Variants in CNR2 observed in about 807,000 individuals in gnomAD.
CNR2 encodes cannabinoid receptor 2 (macrophage).
For missense variants in CNR2, 379 were observed against 439.9 expected (o/e 0.86, Z 1.24); for synonymous variants, 172 against 182.2 (o/e 0.94, Z 0.45).
chr1:23,881,954 C>G (rs191239803), intron 1 of CNR2, among the ~76,000 whole-genome samples: 1 of 151,372 alleles, frequency 6.6e-6, no homozygotes, highest in East Asian at 2.0e-4. Flanking sequence ...TGGAGTCTCA[C>G]TGTTGTGCCC....
chr1:23,876,285 T>C (rs1032253116), intron 1 of CNR2, among the ~76,000 whole-genome samples: 1 of 151,460 alleles, frequency 6.6e-6, no homozygotes, highest in Non-Finnish European at 1.5e-5. Flanking sequence ...CGGCTCACTG[T>C]AACCTCTGCC....
chr1:23,896,881 G>GTTTT (rs5773060), intron 1 of CNR2, among the ~76,000 whole-genome samples: 7 of 141,818 alleles, frequency 4.9e-5, no homozygotes, highest in Non-Finnish European at 6.1e-5. Flanking sequence ...CACCAGGAGT[G>GTTTT]TTTTTTTTTT....
chr1:23,884,112 C>T (rs556676923), intron 1 of CNR2, among the ~76,000 whole-genome samples: 33 of 151,206 alleles, frequency 2.2e-4, no homozygotes, highest in African/African-American at 7.8e-4. Context: ...CAGAGTCTCA[C>T]TCTGTCGCCC....
chr1:23,900,506 T>TTG (rs1325325469), intron 1 of CNR2, among the ~76,000 whole-genome samples: 3 of 510 alleles, frequency 5.9e-3, no homozygotes, highest in African/African-American at 0.011. Flanking sequence ...CCTGATCTCT[T>TTG]TTTTTTTTTT....
At chr1:23,910,070 CCCTGAGTAGCTGGGA>C (rs1217136877) in intron 1 of CNR2, among the ~76,000 whole-genome samples, 1 of 151,832 alleles carries the variant, frequency 6.6e-6, no homozygotes, top group Non-Finnish European at 1.5e-5. Context: ...CACCTCAGCC[CCCTGAGTAGCTGGGA>C]CCACAGGCAT....
In CNR2 at chr1:23,875,260, A is replaced by G; in HGVS notation, c.358T>C (p.Ser120Pro). 6.2e-7 allele frequency: 1 copy of G among 1,614,210 alleles called. No homozygotes were observed. Among genetic ancestry groups the G allele is most frequent in the East Asian group, 2.2e-5 (1 of 44,872 alleles). ...IGSVTMTFTA[S>P]VGSLLLTAID... ...GCGGTCAGCAGGAGGCTACCCACAG[A>G]GGCTGTGAAGGTCATAGTCACGCTG... Residue 120 changes from serine (S) to proline (P), a missense_variant, in exon 2 of 2, where the codon TCT becomes CCT. Transcript: ENST00000374472.
rs571387674 is a variant in CNR2 at position 23,890,068 on chromosome 1, C to T, written c.-45-14406G>A. 3.6e-4 allele frequency among the ~76,000 whole-genome samples: 54 copies of T among 151,650 alleles called. 1 individual carries two copies. In the South Asian group the frequency reaches 0.01, roughly 29 times the overall value. On this transcript the variant is annotated intron_variant, in intron 1 of 1. Transcript: ENST00000374472. ...GTGGATTATTTGAGCCCAGGAATAG[C>T]CTGGCCAACATGGTAAAACCCCATC...
At chr1:23,898,338 T>A (rs1380710213) in intron 1 of CNR2, among the ~76,000 whole-genome samples, 16 of 1,478 alleles carry the variant, frequency 0.011, no homozygotes, top group East Asian at 0.12. Context: ...CGCCCGGCTT[T>A]TTTTTTTTTT....
Position 23,875,046 on chromosome 1 carries a change from A to G in CNR2, c.572T>C (p.Leu191Pro). ...GGCGATGAACAGGAGCCAGCTCAGC[A>G]GGTAGTCATTGGGGATCAGTGGGAA... Reference protein sequence around the residue: ...ELFPLIPNDYLLSWLLFIAFL... With the variant: ...ELFPLIPNDYPLSWLLFIAFL... The change falls in exon 2 of 2, where the codon CTG becomes CCG. Residue 191 changes from leucine (L) to proline (P), a missense_variant. By Grantham distance (98) the Leu-to-Pro change is moderately conservative (BLOSUM62 -3). Coordinates refer to ENST00000374472, the MANE Select transcript of CNR2 (RefSeq NM_001841.3). 1.2e-6 allele frequency: 2 copies of G among 1,607,086 alleles called. No homozygotes were observed. Among genetic ancestry groups the G allele is most frequent in the Non-Finnish European group, 1.7e-6 (2 of 1,176,760 alleles).
intron 1 of CNR2, among the ~76,000 whole-genome samples, 166 bp from the exon 2 acceptor site, chr1:23,875,828 A>G (rs2502991): frequency 0.63 from 96,266 of 151,800 alleles, 30,928 homozygotes; most frequent in African/African-American, 0.76. Context: ...CCATCCAAGC[A>G]GGAAGCCAGA....
At chr1:23,880,128 A>G (rs1338108401) in intron 1 of CNR2, among the ~76,000 whole-genome samples, 1 of 150,746 alleles carries the variant, frequency 6.6e-6, no homozygotes, top group Non-Finnish European at 1.5e-5. Context: ...TTACTTTTTC[A>G]ATGACACCTA....
At chr1:23,894,137 G>A (rs869047439) in intron 1 of CNR2, among the ~76,000 whole-genome samples, 1 of 64,846 alleles carries the variant, frequency 1.5e-5, no homozygotes, top group South Asian at 5.1e-4. Flanking sequence ...AAAAAAAAAA[G>A]GGACTGGGCA....
At position 23,874,603 on chromosome 1, in the gene CNR2, C is replaced by G; in HGVS notation, c.1015G>C (p.Glu339Gln). 1 of 1,614,112 alleles carries G rather than the reference C, an allele frequency of 6.2e-7. No homozygotes were observed. The highest frequency in any genetic ancestry group is 1.3e-5 in the African/African-American group (1 of 75,024). ...GTGATTTTCCCATCAGCCTCTGTCTCGGTGACTGAGGATCTCGGGGCTTCT... is the reference window on the plus strand; with the variant it reads ...GTGATTTTCCCATCAGCCTCTGTCTGGGTGACTGAGGATCTCGGGGCTTCT... ...KEEAPRSSVT[E>Q]TEADGKITPW... The change falls in exon 2 of 2, where the codon GAG (glutamate) becomes CAG (glutamine). Residue 339 changes from glutamate to glutamine, a missense_variant. By Grantham distance (29) the Glu-to-Gln change is conservative. Transcript: ENST00000374472.
intron 1 of CNR2, among the ~76,000 whole-genome samples, chr1:23,885,902 G>A (rs571504281): frequency 8.7e-6 from 1 of 114,596 alleles, no homozygotes; most frequent in African/African-American, 3.3e-5. Flanking sequence ...GTGGCGGCGG[G>A]GGGGTGGCCA....
At chr1:23,880,322 C>T (rs780363328) in intron 1 of CNR2, among the ~76,000 whole-genome samples, 26 of 151,764 alleles carry the variant, frequency 1.7e-4, no homozygotes, top group Admixed American at 3.9e-4. Flanking sequence ...GGACTACAGG[C>T]GCATACTACC....
At chr1:23,892,942 T>C (rs771462016) in intron 1 of CNR2, among the ~76,000 whole-genome samples, 12 of 151,886 alleles carry the variant, frequency 7.9e-5, no homozygotes, top group Non-Finnish European at 1.3e-4. Context: ...CTTGAGCCTG[T>C]GAGGTGGAGG....
At chr1:23,902,114 C>T in intron 1 of CNR2, 2 of 1,464,620 alleles carry the variant, frequency 1.4e-6, no homozygotes, top group Non-Finnish European at 1.9e-6. Flanking sequence ...CGCCCCAAAA[C>T]ATGCCTCTTG....
intron 1 of CNR2, among the ~76,000 whole-genome samples, chr1:23,882,621 C>T (rs12759311): frequency 0.74 from 105,118 of 142,214 alleles, 38,943 homozygotes; most frequent in Middle Eastern, 0.8. Flanking sequence ...GCCTAGCCAA[C>T]ATGGTGAAAC....
At chr1:23,878,121 T>C (rs1639920532) in intron 1 of CNR2, among the ~76,000 whole-genome samples, 3 of 152,000 alleles carry the variant, frequency 2.0e-5, no homozygotes, top group Non-Finnish European at 4.4e-5. Flanking sequence ...CAGAGAAAAC[T>C]GGTGGTGGGC....
Sources: gnomAD v4.1 joint callset for allele counts (sites outside exome capture counted in the v4.1 genomes callset) on GRCh38, gnomAD v4.1.1 for gene constraint, MANE v1.5 for transcripts, NCBI Gene and HGNC (gene_info 2026-07-23, HGNC 2026-07-21) for gene names.